The following SEMA4D variants were observed in gnomAD, a reference collection of about 807,000 sequenced individuals.
SEMA4D encodes semaphorin 4D.
In SEMA4D, 22 loss-of-function variants were observed where a neutral mutation model predicts 74.8. The observed-to-expected ratio is 0.29, with a 90% CI of 0.21 to 0.42. The LOEUF (loss-of-function observed/expected upper bound fraction) is 0.42, where lower values mean the gene tolerates loss of function less well. Ranked by LOEUF, SEMA4D falls within the 10% of genes least tolerant of loss-of-function variation. The pLI, the probability that SEMA4D is intolerant of heterozygous loss-of-function variation, is 1.00. For synonymous variants in SEMA4D, 445 were observed against 463.7 expected (o/e 0.96, Z 0.52); for missense variants, 937 against 1,118.4 (o/e 0.84, Z 2.31).
At chr9:89,448,877 T>A (rs980413545) in intron 2 of SEMA4D, among the ~76,000 whole-genome samples, 1 of 152,010 alleles carries the variant, frequency 6.6e-6, no homozygotes, top group Non-Finnish European at 1.5e-5. Context: ...ACCCCAGGGG[T>A]GGCCAAAGCA....
At chr9:89,477,365 T>A (rs1247444678) in intron 1 of SEMA4D, among the ~76,000 whole-genome samples, 1 of 152,166 alleles carries the variant, frequency 6.6e-6, no homozygotes, top group African/African-American at 2.4e-5. Context: ...AATTTCATTT[T>A]CTGGGCTCCA....
Position 89,381,312 on chromosome 9 carries a change from C to A in SEMA4D, c.1481G>T (p.Gly494Val). The change falls in exon 14 of 16, where the codon GGC becomes GTC. Residue 494 changes from glycine to valine, a missense_variant. Coordinates refer to ENST00000422704, the MANE Select transcript of SEMA4D (RefSeq NM_001371194.2). The surrounding 1 kb of genome is among the most constrained non-coding windows in gnomAD (Gnocchi z 4.6). ...GAAGGCCAGCGGGGCCTGGACCACG[C>A]CCGAGTTAGAGCCAGCATAGACAAA... is the stretch of plus-strand genomic sequence containing the variant. ...NRFVYAGSNS[G>V]VVQAPLAFCG... is the part of the protein sequence containing the mutation. 1 of 1,530,734 alleles carries A rather than the reference C, an allele frequency of 6.5e-7. No individual in the cohort carries two copies. Among genetic ancestry groups the A allele is most frequent in the Non-Finnish European group, 8.8e-7 (1 of 1,135,236 alleles). 94.8% of individuals were successfully genotyped at this position (1,530,734 alleles called of 1,614,324 possible).
chr9:89,399,571 A>C (rs144472071), intron 4 of SEMA4D, among the ~76,000 whole-genome samples: 2,481 of 152,324 alleles, frequency 0.016, 29 homozygotes, highest in Middle Eastern at 0.054. Context: ...ACCAGCTCCA[A>C]AAGTTCCATC....
At chr9:89,367,811 A>T (rs553281426) in intron 16 of SEMA4D, 5 of 152,364 alleles carry the variant, frequency 3.3e-5, no homozygotes, top group African/African-American at 9.6e-5. Flanking sequence ...GGTTTATTAC[A>T]TCAACTCAGG....
intron 2 of SEMA4D, among the ~76,000 whole-genome samples, chr9:89,429,852 A>G (rs1000234555): frequency 2.6e-5 from 4 of 152,176 alleles, no homozygotes; most frequent in East Asian, 1.9e-4. Flanking sequence ...TGAAGTCTAC[A>G]TGGTGGATGG....
rs527307663 is a variant in SEMA4D, at chr9:89,391,489, C to T, written c.623-74G>A. The T allele has an allele frequency of 4.6e-5, 69 of 1,487,604 alleles. No homozygotes were observed. The African/African-American group carries it at 4.8e-4, about 10-fold the overall frequency. 92.2% of individuals were successfully genotyped at this position (1,487,604 alleles called of 1,614,324 possible). On this transcript the variant is annotated intron_variant, in intron 8 of 15. Coordinates refer to ENST00000422704, the MANE Select transcript of SEMA4D (RefSeq NM_001371194.2). ...GCCTGCACCCATGAGGTCACGAGGC[C>T]GGCCAACACTACCTTGGGGGCCTGA...
chr9:89,380,942 G>A (rs1009301577), intron 15 of SEMA4D, 113 bp downstream of exon 15: 66 of 1,284,598 alleles, frequency 5.1e-5, no homozygotes, highest in African/African-American at 8.8e-5. Context: ...CCTCTGTTCC[G>A]AGTGGAGAAA....
rs916589569 is a variant in SEMA4D, at chr9:89,484,821, G to A, written c.-310+13098C>T. The stretch of plus-strand genomic sequence containing the variant: ...ATGTATTGTGTGGTGGGTGTGTGGT[G>A]TGTGGATGTATTGTGTGGTGTGTGT... On this transcript the variant is annotated intron_variant, in intron 1 of 15. Coordinates refer to ENST00000422704, the MANE Select transcript of SEMA4D (RefSeq NM_001371194.2). This position sits in a 1 kb window ranked among gnomAD's most constrained non-coding sequence, Gnocchi z 4.1. Among the ~76,000 whole-genome samples, 7 of 150,698 alleles carry A rather than the reference G, an allele frequency of 4.6e-5. No homozygotes were observed. Among genetic ancestry groups the A allele is most frequent in the African/African-American group, 1.7e-4 (7 of 40,930 alleles).
intron 1 of SEMA4D, among the ~76,000 whole-genome samples, chr9:89,464,324 C>T (rs971334540): frequency 6.6e-6 from 1 of 152,162 alleles, no homozygotes; most frequent in African/African-American, 2.4e-5. Flanking sequence ...TCCTGCCTTC[C>T]GACCTGGGTT....
rs11265893 is a variant in SEMA4D at position 89,439,966 on chromosome 9, C to T, written c.-244+15922G>A. On this transcript the variant is annotated intron_variant, in intron 2 of 15. Coordinates refer to ENST00000422704, the MANE Select transcript of SEMA4D (RefSeq NM_001371194.2). ...GTCATTCTACATTGGCACACTGCCC[C>T]TCAATCACCCTCACCACAGCCCAAA... Among the ~76,000 whole-genome samples the T allele has an allele frequency of 7.9e-4, 121 of 152,348 alleles. 1 individual carries two copies. Among genetic ancestry groups the T allele is most frequent in the African/African-American group, 2.8e-3 (118 of 41,576 alleles).
chr9:89,466,772 G>A (rs1382302804), intron 1 of SEMA4D, among the ~76,000 whole-genome samples: 2 of 152,198 alleles, frequency 1.3e-5, no homozygotes, highest in Non-Finnish European at 2.9e-5. Flanking sequence ...TGTGCAGCAG[G>A]GAGGCGGCTA....
intron 4 of SEMA4D, 90 bp from the exon 5 acceptor site, chr9:89,399,428 A>G: frequency 9.9e-7 from 1 of 1,010,186 alleles, no homozygotes; most frequent in South Asian, 1.3e-5. Flanking sequence ...GATAGAGTTT[A>G]GAGCCTAGAG....
intron 2 of SEMA4D, among the ~76,000 whole-genome samples, chr9:89,408,913 A>G (rs1416311260): frequency 6.6e-6 from 1 of 152,252 alleles, no homozygotes; most frequent in Non-Finnish European, 1.5e-5. Context: ...GCAAAGGTCC[A>G]TACACACAAA....
At chr9:89,442,525 G>A (rs1340475509) in intron 2 of SEMA4D, among the ~76,000 whole-genome samples, 6 of 152,160 alleles carry the variant, frequency 3.9e-5, no homozygotes, top group Non-Finnish European at 5.9e-5. Flanking sequence ...AGGGGTGGGC[G>A]CCATCTGAAA....
downstream of SEMA4D, among the ~76,000 whole-genome samples, chr9:89,375,796 T>C (rs1835710235): frequency 6.6e-6 from 1 of 152,208 alleles, no homozygotes; most frequent in Non-Finnish European, 1.5e-5. Flanking sequence ...TCCGAGTATT[T>C]TCCAATCCAG....
intron 1 of SEMA4D, among the ~76,000 whole-genome samples, chr9:89,468,739 G>A (rs2135900089): frequency 6.6e-6 from 1 of 152,212 alleles, no homozygotes; most frequent in South Asian, 2.1e-4. Context: ...CTGGTATAAG[G>A]CTGCCCAGAT....
chr9:89,383,576 T>C (rs1837693137), intron 13 of SEMA4D, among the ~76,000 whole-genome samples: 1 of 151,796 alleles, frequency 6.6e-6, no homozygotes, highest in African/African-American at 2.4e-5. Flanking sequence ...GAGCCAGGAA[T>C]GTGGTGGGCG....
At position 89,388,756 on chromosome 9, in the gene SEMA4D, G is replaced by A. The variant is rs1299808124; in HGVS notation, c.987C>T (p.Asn329=). ...AGAAGACCTCCTCGGCTGTGGACAG[G>A]TTGTAGGCGCACACTGCCGACAGCC... ...NVGLSAVCAY[N]LSTAEEVFSH... Residue 329 remains asparagine, a synonymous_variant, in exon 11 of 16, where the codon AAC becomes AAT. Transcript: ENST00000422704. 1 of 1,610,160 alleles carries A rather than the reference G, an allele frequency of 6.2e-7. No individual in the cohort carries two copies. The highest frequency in any genetic ancestry group is 1.1e-5 in the South Asian group (1 of 91,024).
intron 16 of SEMA4D, among the ~76,000 whole-genome samples, chr9:89,371,437 T>G (rs1301823962): frequency 7.4e-5 from 4 of 54,088 alleles, no homozygotes; most frequent in East Asian, 1.0e-3. Flanking sequence ...GGTGTGTGTG[T>G]GGGGTGTGGT....
Sources: allele counts gnomAD v4.1 joint callset (sites outside exome capture counted in the v4.1 genomes callset), GRCh38; gene constraint gnomAD v4.1.1; non-coding constraint Gnocchi (gnomAD v3.1); transcripts MANE v1.5; gene names NCBI Gene and HGNC (gene_info 2026-07-23, HGNC 2026-07-21).